The following FBXO11 variants were observed in gnomAD, a reference collection of about 807,000 sequenced individuals.
The protein encoded by FBXO11 is F-box protein 11, also known as F-box only protein 11.
In FBXO11, 13 loss-of-function variants were observed where a neutral mutation model predicts 117.0. The observed-to-expected ratio is 0.11, with a 90% CI of 0.07 to 0.18. The LOEUF (loss-of-function observed/expected upper bound fraction) is 0.18. Among genes scored for constraint, FBXO11 ranks in the 10% least tolerant of loss-of-function variants. The probability of loss-of-function intolerance (pLI) is 1.00; values close to 1 mark genes in which losing one functional copy is unlikely to be tolerated. For missense variants in FBXO11, 767 were observed against 1,164.4 expected (o/e 0.66, Z 4.97); for synonymous variants, 490 against 380.5 (o/e 1.29, Z -3.35).
At chr2:47,839,119 T>G in intron 3 of FBXO11, 116 bp from the exon 4 acceptor site, 1 of 1,072,360 alleles carries the variant, frequency 9.3e-7, no homozygotes, top group Non-Finnish European at 1.3e-6. Context: ...AATGGTCATT[T>G]TATAAGCATG....
At chr2:47,881,571 T>G (rs1676434801) in intron 1 of FBXO11, among the ~76,000 whole-genome samples, 1 of 152,204 alleles carries the variant, frequency 6.6e-6, no homozygotes, top group Non-Finnish European at 1.5e-5. Flanking sequence ...ATGTTTCTTT[T>G]AAAGTGCTGA....
At position 47,809,582 on chromosome 2, in the gene FBXO11, T is replaced by TA; in HGVS notation, c.2446+17dup. The TA allele has an allele frequency of 6.5e-7, 1 of 1,544,698 alleles. No individual in the cohort carries two copies. The highest frequency in any genetic ancestry group is 8.9e-7 in the Non-Finnish European group (1 of 1,118,490). ...GGCATATTGCATATATTTATAGGTA[T>TA]AGCAGACTCCAACATACCTTTCATT... On this transcript the variant is annotated intron_variant, in intron 20 of 22. Coordinates refer to ENST00000403359, the MANE Select transcript of FBXO11 (RefSeq NM_001190274.2).
rs574021925 is a variant in FBXO11 at position 47,900,680 on chromosome 2, G to A, written c.232+4809C>T. On this transcript the variant is annotated intron_variant, in intron 1 of 22. Coordinates refer to ENST00000403359, the MANE Select transcript of FBXO11 (RefSeq NM_001190274.2). Reference sequence around the variant, plus strand: ...TACACACACGTACGTATATACACACGTATACACACACGTATACACACACGT... The same window carrying A: ...TACACACACGTACGTATATACACACATATACACACACGTATACACACACGT... 9.5e-3 allele frequency among the ~76,000 whole-genome samples: 392 copies of A among 41,068 alleles called. 41 individuals carry two copies. Among genetic ancestry groups the A allele is most frequent in the Admixed American group, 0.024 (134 of 5,696 alleles). The allele number at this position is 41,068 out of a possible 152,430, so 26.9% of individuals were successfully genotyped here. A position where few individuals can be genotyped will look rare whatever the true frequency, so the allele number is the denominator to read the frequency against.
At chr2:47,849,630 G>A (rs1673697382) in intron 1 of FBXO11, among the ~76,000 whole-genome samples, 1 of 152,158 alleles carries the variant, frequency 6.6e-6, no homozygotes, top group Admixed American at 6.5e-5. Context: ...ATGCTGATAA[G>A]GTTAAGCAGA....
intron 11 of FBXO11, among the ~76,000 whole-genome samples, chr2:47,826,035 TAA>T (rs144051947): frequency 0.012 from 1,857 of 152,218 alleles, 42 homozygotes; most frequent in African/African-American, 0.043. Flanking sequence ...TTTACAGAGT[TAA>T]GAGACTCAAG....
intron 1 of FBXO11, among the ~76,000 whole-genome samples, chr2:47,870,331 T>A (rs1248784320): frequency 6.6e-6 from 1 of 152,206 alleles, no homozygotes; most frequent in Non-Finnish European, 1.5e-5. Flanking sequence ...TCTCTGTGTG[T>A]GGGCTGAATT....
chr2:47,812,776 C>T (rs1275645242), intron 18 of FBXO11: 1 of 212,698 alleles, frequency 4.7e-6, no homozygotes, highest in Admixed American at 5.4e-5. Context: ...AGTGAGTTGA[C>T]CTTTATGAAT....
chr2:47,880,285 T>A (rs1007066987), intron 1 of FBXO11, among the ~76,000 whole-genome samples: 9 of 152,176 alleles, frequency 5.9e-5, no homozygotes, highest in Non-Finnish European at 1.0e-4. Flanking sequence ...TTTAATGTAA[T>A]AGAATTTATC....
intron 16 of FBXO11, chr2:47,818,520 G>T: frequency 5.8e-6 from 2 of 347,236 alleles, no homozygotes; most frequent in Non-Finnish European, 5.2e-6. Flanking sequence ...GGATCATATT[G>T]GCAGCTGATG....
intron 1 of FBXO11, among the ~76,000 whole-genome samples, chr2:47,889,817 T>C (rs1488538111): frequency 6.6e-6 from 1 of 152,128 alleles, no homozygotes; most frequent in Non-Finnish European, 1.5e-5. Context: ...TCAGAAAAAA[T>C]AGCCACCTGT....
intron 1 of FBXO11, among the ~76,000 whole-genome samples, chr2:47,852,284 C>T (rs1204545473): frequency 6.6e-6 from 1 of 152,164 alleles, no homozygotes; most frequent in Non-Finnish European, 1.5e-5. Flanking sequence ...GCCACTGCGT[C>T]TGGCCAGCAA....
intron 1 of FBXO11, among the ~76,000 whole-genome samples, chr2:47,891,028 T>C (rs1677224160): frequency 6.6e-6 from 1 of 151,766 alleles, no homozygotes; most frequent in African/African-American, 2.4e-5. Flanking sequence ...CTCCCTATGT[T>C]GCTCAGACTA....
chr2:47,903,225 G>A (rs1427904780), intron 1 of FBXO11, among the ~76,000 whole-genome samples: 1 of 152,092 alleles, frequency 6.6e-6, no homozygotes, highest in African/African-American at 2.4e-5. Context: ...TCATCTTAAT[G>A]TTTTATTCAT....
At chr2:47,883,071 A>G (rs1166709418) in intron 1 of FBXO11, among the ~76,000 whole-genome samples, 1 of 152,150 alleles carries the variant, frequency 6.6e-6, no homozygotes, top group Non-Finnish European at 1.5e-5. Context: ...TTGTAGAACT[A>G]TTTACAAGCT....
At chr2:47,900,659 C>T (rs1009896283) in intron 1 of FBXO11, among the ~76,000 whole-genome samples, 10 of 95,626 alleles carry the variant, frequency 1.0e-4, no homozygotes, top group African/African-American at 3.6e-4. Flanking sequence ...CACGTATACA[C>T]ACACGTACGT....
chr2:47,809,770 T>C, intron 19 of FBXO11, 63 bp from the exon 20 acceptor site: 2 of 1,065,592 alleles, frequency 1.9e-6, no homozygotes, highest in Non-Finnish European at 2.9e-6. Context: ...AAACCTGAAA[T>C]TAGCAAGCAA....
At chr2:47,858,964 G>T (rs560747268) in intron 1 of FBXO11, among the ~76,000 whole-genome samples, 1 of 150,474 alleles carries the variant, frequency 6.6e-6, no homozygotes. Flanking sequence ...GCTTGAATCC[G>T]GGAGGCGGAG....
At chr2:47,894,985 A>T (rs1404228025) in intron 1 of FBXO11, among the ~76,000 whole-genome samples, 1 of 152,194 alleles carries the variant, frequency 6.6e-6, no homozygotes, top group Admixed American at 6.5e-5. Context: ...TTTAAAATAA[A>T]ATAATTTCCA....
At chr2:47,878,613 C>T (rs974187035) in intron 1 of FBXO11, among the ~76,000 whole-genome samples, 2 of 151,890 alleles carry the variant, frequency 1.3e-5, no homozygotes, top group Admixed American at 6.6e-5. Context: ...CTGCCCACCT[C>T]GGCCTCCCAA....
Sources: gnomAD v4.1 joint callset for allele counts (sites outside exome capture counted in the v4.1 genomes callset) on GRCh38, gnomAD v4.1.1 for gene constraint, MANE v1.5 for transcripts, NCBI Gene and HGNC (gene_info 2026-07-23, HGNC 2026-07-21) for gene names.